Variants in GLUL observed in about 807,000 individuals in gnomAD.
GLUL encodes the protein glutamine synthetase.
A neutral mutation model predicts 36.9 loss-of-function variants in GLUL; 8 were observed. The observed-to-expected ratio is 0.22, with a 90% CI of 0.13 to 0.39. The LOEUF is 0.39. GLUL is among the 10% of genes least tolerant of loss of function. The pLI, the probability that GLUL is intolerant of heterozygous loss-of-function variation, is 1.00. For missense variants in GLUL, 315 were observed against 501.8 expected, an observed-to-expected ratio of 0.63 and a Z score of 3.56; for synonymous variants, 182 against 172.8, an observed-to-expected ratio of 1.05 and a Z score of -0.42.
At chr1:182,391,214 A>C (rs1265884835) in intron 1 of GLUL, 1 of 398,576 alleles carries the variant, frequency 2.5e-6, no homozygotes, top group Non-Finnish European at 4.4e-6. Context: ...CCATCGCCAG[A>C]ACCAGGACGA....
chr1:182,385,514 C>T lies in GLUL; in HGVS notation c.646G>A (p.Asp216Asn). 1.9e-6 allele frequency: 3 copies of T among 1,614,148 alleles called. No homozygotes were observed. The highest frequency in any genetic ancestry group is 2.5e-6 in the Non-Finnish European group (3 of 1,179,990). Reference protein sequence around the residue: ...IGPCEGISMGDHLWVARFILH... With the variant: ...IGPCEGISMGNHLWVARFILH... Reference sequence around the variant, plus strand: ...ATGAAACGGGCCACCCAGAGATGATCTCCCATGCTGATTCCTTCACAAGGT... The same window carrying T: ...ATGAAACGGGCCACCCAGAGATGATTTCCCATGCTGATTCCTTCACAAGGT... Residue 216 changes from aspartate to asparagine, a missense_variant, in exon 6 of 7, where the codon GAT becomes AAT. By Grantham distance (23) the Asp-to-Asn change is conservative. Around this residue, in one of 3 missense-constraint regions of GLUL, gnomAD observed 256 missense variants for 396.1 expected, o/e 0.65. Transcript: ENST00000331872.
chr1:182,391,229 T>G (rs1296209697), intron 1 of GLUL: 3 of 398,556 alleles, frequency 7.5e-6, no homozygotes, highest in African/African-American at 6.2e-5. Flanking sequence ...GGACGATTGC[T>G]CCGAAGGCCC....
rs148906736 is a variant in GLUL, at chr1:182,382,633, G to C, written c.*1772C>G. 3.7e-3 allele frequency: 564 copies of C among 152,520 alleles called. No homozygotes were observed. The highest frequency in any genetic ancestry group is 6.3e-3 in the Non-Finnish European group (431 of 68,206). The allele number at this position is 152,520 out of a possible 1,614,324, so 9.4% of individuals were successfully genotyped here. A position where few individuals can be genotyped will look rare whatever the true frequency, so the allele number is the denominator to read the frequency against. On this transcript the variant is annotated 3_prime_UTR_variant, in exon 7 of 7. Coordinates refer to ENST00000331872, the MANE Select transcript of GLUL (RefSeq NM_001033044.4). ...CTCAGGGGAGCAAAGGAAGGGGGAG[G>C]AGTGGGGCTTGTACCCTGCTACAAA...
Position 182,385,821 on chromosome 1 carries a change from C to T in GLUL, c.542G>A (p.Arg181Gln), listed in dbSNP as rs370437511. ...CTTGACTCCAGCATACAAGCAGGCC[C>T]GGTAATGGGCCTCCACGATGTCCCT... The part of the protein sequence containing the change: ...YGRDIVEAHY[R>Q]ACLYAGVKIA... The change falls in exon 5 of 7, where the codon CGG (arginine) becomes CAG (glutamine). Residue 181 changes from arginine (R) to glutamine (Q), a missense_variant. Physicochemically the swap from Arg to Gln is conservative, Grantham distance 43. Coordinates refer to ENST00000331872, the MANE Select transcript of GLUL (RefSeq NM_001033044.4). The T allele has an allele frequency of 8.1e-6, 13 of 1,613,830 alleles. No homozygotes were observed. The highest frequency in any genetic ancestry group is 5.3e-5 in the African/African-American group (4 of 74,932).
rs184282135 is a variant in GLUL at position 182,384,534 on chromosome 1, C to T, written c.993G>A (p.Gln331=). The change falls in exon 7 of 7, where the codon CAG becomes CAA. Residue 331 remains glutamine (Q), a synonymous_variant. Coordinates refer to ENST00000331872, the MANE Select transcript of GLUL (RefSeq NM_001033044.4). Reference sequence around the variant, plus strand: ...GATCTTCAAAGTAACCCTTCTTCTCCTGGCCAACAGTCCGGGGAATGCGTA... The same window carrying T: ...GATCTTCAAAGTAACCCTTCTTCTCTTGGCCAACAGTCCGGGGAATGCGTA... ...ASIRIPRTVG[Q]EKKGYFEDRR... 1.2e-6 allele frequency: 2 copies of T among 1,614,238 alleles called. No homozygotes were observed. Among genetic ancestry groups the T allele is most frequent in the Non-Finnish European group, 8.5e-7 (1 of 1,180,046 alleles).
At chr1:182,387,611 T>C (rs80247461) in intron 2 of GLUL, among the ~76,000 whole-genome samples, 131 of 152,352 alleles carry the variant, frequency 8.6e-4, no homozygotes, top group African/African-American at 3.1e-3. Context: ...ACTTAAAATA[T>C]TGAGATAGTG....
At chr1:182,385,243 T>C in intron 6 of GLUL, 114 bp downstream of exon 6, 2 of 815,116 alleles carry the variant, frequency 2.5e-6, no homozygotes, top group Non-Finnish European at 2.1e-6. Context: ...TACTCATCTT[T>C]GGCAAATATT....
In GLUL at chr1:182,380,408, A is replaced by G. The variant is rs1649886778; in HGVS notation, c.*3997T>C. Among the ~76,000 whole-genome samples the G allele has an allele frequency of 1.3e-5, 2 of 152,178 alleles. No individual in the cohort carries two copies. The highest frequency in any genetic ancestry group is 1.5e-5 in the Non-Finnish European group (1 of 68,030). ...CTGCAGCTTCAATTTCCTGGGCTCA[A>G]GTCATCCTCCCATCTCAGCCTCCTG... On this transcript the variant is annotated 3_prime_UTR_variant, in exon 7 of 7. Coordinates refer to ENST00000331872, the MANE Select transcript of GLUL (RefSeq NM_001033044.4).
rs1201741296 is a variant in GLUL, at chr1:182,380,998, C to T, written c.*3407G>A. ...GGTGCAGTGGCTCACGCCTGTAATC[C>T]CAGCACTTTGGGAGGTGGAGGAGTT... On this transcript the variant is annotated 3_prime_UTR_variant, in exon 7 of 7. Coordinates refer to ENST00000331872, the MANE Select transcript of GLUL (RefSeq NM_001033044.4). 6.6e-6 allele frequency among the ~76,000 whole-genome samples: 1 copy of T among 152,214 alleles called. No individual in the cohort carries two copies. The highest frequency in any genetic ancestry group is 1.9e-4 in the East Asian group (1 of 5,194).
chr1:182,382,029 T>C lies in GLUL; in HGVS notation c.*2376A>G, dbSNP rs1649948813. On this transcript the variant is annotated 3_prime_UTR_variant, in exon 7 of 7. Coordinates refer to ENST00000331872, the MANE Select transcript of GLUL (RefSeq NM_001033044.4). The stretch of plus-strand genomic sequence containing the variant: ...CGGATATCTAGGATTACTTGACTAG[T>C]GTAAAATACACAGTTGCCTGAAGAA... 6.6e-6 allele frequency: 1 copy of C among 152,188 alleles called. No individual in the cohort carries two copies. The highest frequency in any genetic ancestry group is 2.4e-5 in the African/African-American group (1 of 41,436). 9.4% of individuals were successfully genotyped at this position (152,188 alleles called of 1,614,324 possible).
Position 182,384,194 on chromosome 1 carries a change from G to GA in GLUL, c.*210dup. The stretch of plus-strand genomic sequence containing the variant: ...TGCACTAAAAAGCTTCAGTGATAGG[G>GA]AAAAAAAGGAGGGTAGGTGTGAAGA... On this transcript the variant is annotated 3_prime_UTR_variant, in exon 7 of 7. Coordinates refer to ENST00000331872, the MANE Select transcript of GLUL (RefSeq NM_001033044.4). 1.8e-6 allele frequency: 1 copy of GA among 567,150 alleles called. No individual in the cohort carries two copies. Among genetic ancestry groups the GA allele is most frequent in the Non-Finnish European group, 3.1e-6 (1 of 317,820 alleles). The allele number at this position is 567,150 out of a possible 1,614,324, so 35.1% of individuals were successfully genotyped here. A position where few individuals can be genotyped will look rare whatever the true frequency, so the allele number is the denominator to read the frequency against.
chr1:182,385,456 A>C lies in GLUL; in HGVS notation c.704T>G (p.Ile235Arg). 1 of 1,613,892 alleles carries C rather than the reference A, an allele frequency of 6.2e-7. No homozygotes were observed. Among genetic ancestry groups the C allele is most frequent in the Non-Finnish European group, 8.5e-7 (1 of 1,179,770 alleles). ...AATGGGCTTAGGATCAAAGGTTGCT[A>C]TCACTCCAAAGTCTTCACACACACG... ...LHRVCEDFGV[I>R]ATFDPKPIPG... Residue 235 changes from isoleucine to arginine, a missense_variant, in exon 6 of 7, where the codon ATA becomes AGA. By Grantham distance (97) the Ile-to-Arg change is moderately conservative. Coordinates refer to ENST00000331872, the MANE Select transcript of GLUL (RefSeq NM_001033044.4).
chr1:182,390,917 C>T (rs1389239347), intron 1 of GLUL: 1 of 398,456 alleles, frequency 2.5e-6, no homozygotes, highest in Non-Finnish European at 4.4e-6. Flanking sequence ...CTGAAATGTC[C>T]CTAAAGTGGG....
At chr1:182,385,164 G>T in intron 6 of GLUL, 193 bp downstream of exon 6, 1 of 589,272 alleles carries the variant, frequency 1.7e-6, no homozygotes, top group Non-Finnish European at 3.0e-6. Flanking sequence ...TTTTCAAATA[G>T]GAACAAAATG....
At chr1:182,385,096 A>G (rs1363338808) in intron 6 of GLUL, 2 of 296,858 alleles carry the variant, frequency 6.7e-6, no homozygotes, top group Non-Finnish European at 1.3e-5. Context: ...TGACTAATAT[A>G]TATTATATAA....
chr1:182,382,251 A>T lies in GLUL; in HGVS notation c.*2154T>A, dbSNP rs991230176. Reference sequence around the variant, plus strand: ...GGGAGCCGGAGGGAGCTTTTACCCAACCTCATGAGGAATGAACGAAGGTAG... The same window carrying T: ...GGGAGCCGGAGGGAGCTTTTACCCATCCTCATGAGGAATGAACGAAGGTAG... On this transcript the variant is annotated 3_prime_UTR_variant, in exon 7 of 7. Coordinates refer to ENST00000331872, the MANE Select transcript of GLUL (RefSeq NM_001033044.4). The T allele has an allele frequency of 1.3e-5, 2 of 152,192 alleles. No homozygotes were observed. The highest frequency in any genetic ancestry group is 6.5e-5 in the Admixed American group (1 of 15,274). 9.4% of individuals were successfully genotyped at this position (152,192 alleles called of 1,614,324 possible).
intron 2 of GLUL, among the ~76,000 whole-genome samples, chr1:182,388,176 T>A (rs1052989717): frequency 6.6e-6 from 1 of 152,202 alleles, no homozygotes; most frequent in African/African-American, 2.4e-5. Context: ...GCCAGTGATA[T>A]GAGTATTAAA....
Position 182,387,180 on chromosome 1 carries a change from A to G in GLUL, c.279T>C (p.Pro93=). Residue 93 remains proline, a synonymous_variant, in exon 3 of 7, where the codon CCT becomes CCC. Coordinates refer to ENST00000331872, the MANE Select transcript of GLUL (RefSeq NM_001033044.4). ...AMFRDPFRKD[P]NKLVLCEVFK... is the part of the protein sequence containing the mutation. Reference sequence around the variant, plus strand: ...AAACTTCACATAACACCAGCTTGTTAGGGTCCTTACGGAAGGGGTCCCGAA... The same window carrying G: ...AAACTTCACATAACACCAGCTTGTTGGGGTCCTTACGGAAGGGGTCCCGAA... The G allele has an allele frequency of 5.6e-6, 9 of 1,613,896 alleles. No individual in the cohort carries two copies. Among genetic ancestry groups the G allele is most frequent in the Non-Finnish European group, 7.6e-6 (9 of 1,179,756 alleles).
rs1226080466 is a variant in GLUL, at chr1:182,382,812, G to C, written c.*1593C>G. On this transcript the variant is annotated 3_prime_UTR_variant, in exon 7 of 7. Transcript: ENST00000331872. ...TTAAAAACTCAGAGTACATAAACTT[G>C]AGCTTATTTTGCCTGTTTTAGGAAA... 4 of 151,260 alleles carry C rather than the reference G, an allele frequency of 2.6e-5. No homozygotes were observed. The highest frequency in any genetic ancestry group is 7.3e-5 in the African/African-American group (3 of 41,378). 9.4% of individuals were successfully genotyped at this position (151,260 alleles called of 1,614,324 possible).
Sources: allele counts gnomAD v4.1 joint callset (sites outside exome capture counted in the v4.1 genomes callset), GRCh38; gene constraint gnomAD v4.1.1; regional missense constraint gnomAD v4.1.1; transcripts MANE v1.5; gene names NCBI Gene and HGNC (gene_info 2026-07-23, HGNC 2026-07-21).